Variants in KCNIP3 observed in about 807,000 individuals in gnomAD.
The protein encoded by KCNIP3 is potassium voltage-gated channel interacting protein 3, also known as calsenilin.
A neutral mutation model predicts 35.0 loss-of-function variants in KCNIP3; 28 were observed. The ratio of observed to expected loss-of-function variants is 0.80; its 90% CI spans 0.59 to 1.10. The LOEUF (loss-of-function observed/expected upper bound fraction) is 1.10. Ranked by LOEUF, KCNIP3 falls within the 50% of genes least tolerant of loss-of-function variation. The probability of loss-of-function intolerance (pLI) is 0.00; values close to 1 mark genes in which losing one functional copy is unlikely to be tolerated. For missense variants in KCNIP3, 295 were observed against 338.4 expected, an observed-to-expected ratio of 0.87 and a Z score of 1.01; for synonymous variants, 134 against 133.8, an observed-to-expected ratio of 1.00 and a Z score of -0.01.
intron 2 of KCNIP3, among the ~76,000 whole-genome samples, chr2:95,339,342 G>T (rs1679137071): frequency 6.6e-6 from 1 of 152,160 alleles, no homozygotes; most frequent in Admixed American, 6.5e-5. Context: ...CACTCTGGGA[G>T]GCTGAGGCGG....
chr2:95,369,639 AT>A (rs1038906932), intron 2 of KCNIP3, among the ~76,000 whole-genome samples: 3 of 147,134 alleles, frequency 2.0e-5, no homozygotes, highest in African/African-American at 5.0e-5. Context: ...TTTTCAATTT[AT>A]TTTTTTTTGA....
chr2:95,337,142 T>C (rs1332033202), intron 2 of KCNIP3, among the ~76,000 whole-genome samples: 1 of 152,166 alleles, frequency 6.6e-6, no homozygotes. Flanking sequence ...ATTTCCTTTA[T>C]CCAGTGTGAC....
At chr2:95,333,662 A>G (rs1250359600) in intron 2 of KCNIP3, among the ~76,000 whole-genome samples, 1 of 152,172 alleles carries the variant, frequency 6.6e-6, no homozygotes, top group Non-Finnish European at 1.5e-5. Flanking sequence ...ATTCAATGAT[A>G]CTATGTCAGT....
chr2:95,344,918 C>T (rs557810464), intron 2 of KCNIP3, among the ~76,000 whole-genome samples: 24 of 152,344 alleles, frequency 1.6e-4, no homozygotes, highest in African/African-American at 5.5e-4. Flanking sequence ...ACTACCTGGG[C>T]ACAGGCTGGA....
intron 2 of KCNIP3, among the ~76,000 whole-genome samples, chr2:95,365,895 A>G (rs560329472): frequency 1.3e-5 from 2 of 152,146 alleles, no homozygotes; most frequent in South Asian, 2.1e-4. Context: ...GTCTAGTTCT[A>G]TGAATCTCGA....
At chr2:95,350,935 T>C (rs1362427041) in intron 2 of KCNIP3, among the ~76,000 whole-genome samples, 1 of 152,142 alleles carries the variant, frequency 6.6e-6, no homozygotes, top group Non-Finnish European at 1.5e-5. Context: ...CAGCCACTTC[T>C]CCTGAGCAGT....
chr2:95,384,105 T>A lies in KCNIP3; in HGVS notation c.*56T>A, dbSNP rs543588462. ...CACCTCCACCCCCAAGAAACCTCCA[T>A]CCTGCCAGGAGCAGCCTCCAAGAAA... On this transcript the variant is annotated 3_prime_UTR_variant, in exon 9 of 9. Transcript: ENST00000295225. 1 of 1,537,678 alleles carries A rather than the reference T, an allele frequency of 6.5e-7. No individual in the cohort carries two copies. Among genetic ancestry groups the A allele is most frequent in the Admixed American group, 1.7e-5 (1 of 59,504 alleles).
Position 95,378,779 on chromosome 2 carries a change from T to C in KCNIP3, c.448-2817T>C, listed in dbSNP as rs34055932. Among the ~76,000 whole-genome samples, 12,229 of 148,374 alleles carry C rather than the reference T, an allele frequency of 0.082. 658 individuals are homozygous for C. The highest frequency in any genetic ancestry group is 0.16 in the Middle Eastern group (45 of 288). Reference sequence around the variant, plus strand: ...AACAAAAACAAAATATATATATATATACACACACACACACACATATATATA... The same window carrying C: ...AACAAAAACAAAATATATATATATACACACACACACACACACATATATATA... On this transcript the variant is annotated intron_variant, in intron 5 of 8. Transcript: ENST00000295225. The surrounding 1 kb of genome is among the most constrained non-coding windows in gnomAD (Gnocchi z 4.0).
rs1462371072 is a variant in KCNIP3 at position 95,368,267 on chromosome 2, C to T, written c.182-6029C>T. Among the ~76,000 whole-genome samples the T allele has an allele frequency of 2.0e-5, 3 of 152,102 alleles. No individual in the cohort carries two copies. The East Asian group carries it at 5.8e-4, about 29-fold the overall frequency. On this transcript the variant is annotated intron_variant, in intron 2 of 8. Coordinates refer to ENST00000295225, the MANE Select transcript of KCNIP3 (RefSeq NM_013434.5). ...GAAAAGCTGAAGATCTTCTCCAGTT[C>T]CCAGCCAGGTAGTTTTCTATGCCTT...
At chr2:95,329,972 C>T (rs1465721490) in intron 2 of KCNIP3, among the ~76,000 whole-genome samples, 2 of 152,242 alleles carry the variant, frequency 1.3e-5, no homozygotes, top group Admixed American at 6.5e-5. Flanking sequence ...TGCCGGAGGC[C>T]CCTCTCCCCA....
chr2:95,331,251 G>A (rs1339415059), intron 2 of KCNIP3, among the ~76,000 whole-genome samples: 1 of 152,196 alleles, frequency 6.6e-6, no homozygotes, highest in Admixed American at 6.5e-5. Context: ...ATTTGCAGAT[G>A]TCCTGGGTGT....
At chr2:95,350,573 A>G (rs896694675) in intron 2 of KCNIP3, among the ~76,000 whole-genome samples, 15 of 152,088 alleles carry the variant, frequency 9.9e-5, no homozygotes, top group African/African-American at 3.4e-4. Flanking sequence ...TACTGCCTGG[A>G]TGGGCACCGA....
intron 2 of KCNIP3, among the ~76,000 whole-genome samples, chr2:95,324,122 T>G (rs1678663452): frequency 6.6e-6 from 1 of 152,168 alleles, no homozygotes; most frequent in African/African-American, 2.4e-5. Context: ...TGAGGAGAGA[T>G]GGGCGCTGGG....
At chr2:95,333,483 G>A (rs1414868914) in intron 2 of KCNIP3, among the ~76,000 whole-genome samples, 1 of 152,144 alleles carries the variant, frequency 6.6e-6, no homozygotes, top group Non-Finnish European at 1.5e-5. Context: ...GCCTCACCAG[G>A]GCCCGCCCTC....
intron 2 of KCNIP3, among the ~76,000 whole-genome samples, chr2:95,325,652 AATAG>A (rs1222046341): frequency 1.3e-4 from 20 of 150,362 alleles, no homozygotes; most frequent in African/African-American, 4.7e-4. Flanking sequence ...CATACACACA[AATAG>A]ATACACACTC....
intron 2 of KCNIP3, among the ~76,000 whole-genome samples, chr2:95,355,508 C>T (rs1405476299): frequency 6.6e-6 from 1 of 152,142 alleles, no homozygotes; most frequent in African/African-American, 2.4e-5. Flanking sequence ...CCCCCAGCCT[C>T]CAACAGGCCC....
intron 2 of KCNIP3, among the ~76,000 whole-genome samples, chr2:95,334,943 C>T (rs1295502842): frequency 2.0e-5 from 3 of 152,176 alleles, no homozygotes; most frequent in Admixed American, 6.5e-5. Flanking sequence ...GGTCACTGAG[C>T]GCTCAAAGGA....
chr2:95,297,638 T>G (rs1359950940), intron 1 of KCNIP3, among the ~76,000 whole-genome samples, 185 bp downstream of exon 1: 3 of 151,838 alleles, frequency 2.0e-5, no homozygotes, highest in African/African-American at 7.3e-5. Context: ...TGGCTGGTGT[T>G]GGAGTGTCCT....
Position 95,384,957 on chromosome 2 carries a change from G to C in KCNIP3, c.*908G>C, listed in dbSNP as rs1680459861. The C allele has an allele frequency of 6.5e-6, 1 of 153,308 alleles. No individual in the cohort carries two copies. The highest frequency in any genetic ancestry group is 1.5e-5 in the Non-Finnish European group (1 of 68,750). The allele number at this position is 153,308 out of a possible 1,614,324, so 9.5% of individuals were successfully genotyped here. On this transcript the variant is annotated 3_prime_UTR_variant, in exon 9 of 9. Coordinates refer to ENST00000295225, the MANE Select transcript of KCNIP3 (RefSeq NM_013434.5). ...TAGGTCCCGGGAGGAACGTGGTTCA[G>C]AGACTGGCAGCCAGGGAGCCCGGGG...
Sources: gnomAD v4.1 joint callset for allele counts (sites outside exome capture counted in the v4.1 genomes callset) on GRCh38, gnomAD v4.1.1 for gene constraint, Gnocchi (gnomAD v3.1) non-coding constraint, MANE v1.5 for transcripts, NCBI Gene and HGNC (gene_info 2026-07-23, HGNC 2026-07-21) for gene names.